NAV2: variants seen among roughly 807,000 people sequenced by gnomAD.
NAV2 encodes helicase, APC down-regulated 1.
Under a neutral mutation model 223.2 loss-of-function variants are expected in NAV2, and 54 were observed. That is an observed-to-expected ratio of 0.24 (90% CI 0.19 to 0.30). The LOEUF is 0.30. Ranked by LOEUF, NAV2 falls within the 10% of genes least tolerant of loss-of-function variation. The pLI is 1.00. For synonymous variants in NAV2, 1,279 were observed against 1,239.3 expected (o/e 1.03, Z -0.67); for missense variants, 2,806 against 3,147.5 (o/e 0.89, Z 2.60).
chr11:19,890,623 G>A (rs1328437624), intron 5 of NAV2, among the ~76,000 whole-genome samples: 1 of 152,176 alleles, frequency 6.6e-6, no homozygotes, highest in African/African-American at 2.4e-5. Flanking sequence ...ACTCTGTCTG[G>A]TTTAAAAAGT....
chr11:20,103,148 G>A (rs2061757769), intron 32 of NAV2, 107 bp from the exon 33 acceptor site: 4 of 1,057,012 alleles, frequency 3.8e-6, no homozygotes, highest in African/African-American at 1.6e-5. Flanking sequence ...AATCATGAAG[G>A]GCCTTTCTGC....
chr11:19,902,150 C>T (rs530895331), intron 6 of NAV2, among the ~76,000 whole-genome samples: 15 of 152,274 alleles, frequency 9.9e-5, no homozygotes, highest in African/African-American at 3.6e-4. Context: ...TGCCCAACTG[C>T]CCTTACTCCA....
At chr11:19,365,107 T>C (rs941934696) in intron 1 of NAV2, among the ~76,000 whole-genome samples, 3 of 152,192 alleles carry the variant, frequency 2.0e-5, no homozygotes, top group Non-Finnish European at 2.9e-5. Flanking sequence ...ATATGGATGA[T>C]AGAGTTCAGA....
intron 1 of NAV2, among the ~76,000 whole-genome samples, chr11:19,397,406 T>TGTGTGTGTGTGTGCGCGC (rs1338830148): frequency 0.01 from 1,465 of 141,976 alleles, 14 homozygotes; most frequent in Non-Finnish European, 0.013. Context: ...AGTGTGTGTG[T>TGTGTGTGTGTGTGCGCGC]GTGTGTGTGT....
chr11:19,394,809 G>A (rs1488247438), intron 1 of NAV2, among the ~76,000 whole-genome samples: 1 of 152,178 alleles, frequency 6.6e-6, no homozygotes, highest in Non-Finnish European at 1.5e-5. Context: ...AGGTTCAAAT[G>A]TGGCGGGGAT....
chr11:20,000,660 C>T (rs1321165819), intron 11 of NAV2, among the ~76,000 whole-genome samples: 1 of 152,104 alleles, frequency 6.6e-6, no homozygotes, highest in Admixed American at 6.5e-5. Flanking sequence ...GGAGCCCTGG[C>T]CTTGAATGTC....
chr11:19,818,778 A>G (rs756027636), intron 1 of NAV2, among the ~76,000 whole-genome samples: 1 of 152,222 alleles, frequency 6.6e-6, no homozygotes, highest in Non-Finnish European at 1.5e-5. Flanking sequence ...AGTGTTACTT[A>G]CCAGTGCCTG....
chr11:19,508,511 C>G (rs997061195), intron 1 of NAV2, among the ~76,000 whole-genome samples: 7 of 152,136 alleles, frequency 4.6e-5, no homozygotes, highest in Non-Finnish European at 8.8e-5. Context: ...GGCTTCTCTT[C>G]GCAGTTCTCA....
chr11:19,483,079 T>A (rs1441112808), intron 1 of NAV2, among the ~76,000 whole-genome samples: 1 of 152,216 alleles, frequency 6.6e-6, no homozygotes, highest in Non-Finnish European at 1.5e-5. Context: ...GACACAGTGT[T>A]AAGTCCTTTA....
chr11:19,984,961 T>C (rs1354797589), intron 11 of NAV2, among the ~76,000 whole-genome samples: 2 of 152,232 alleles, frequency 1.3e-5, no homozygotes, highest in African/African-American at 4.8e-5. Flanking sequence ...TCTATAATTC[T>C]GGATTTCAGT....
At chr11:19,834,479 A>G (rs11025282) in intron 2 of NAV2, among the ~76,000 whole-genome samples, 59,245 of 151,926 alleles carry the variant, frequency 0.39, 11,954 homozygotes, top group Middle Eastern at 0.54. Flanking sequence ...TTGAGCACCA[A>G]TGTGTTCCAG....
chr11:19,946,016 T>C lies in NAV2; in HGVS notation c.2147-385T>C, dbSNP rs113591881. 6.6e-3 allele frequency among the ~76,000 whole-genome samples: 1,002 copies of C among 152,366 alleles called. 7 individuals carry two copies. Among genetic ancestry groups the C allele is most frequent in the African/African-American group, 0.023 (958 of 41,588 alleles). On this transcript the variant is annotated intron_variant, in intron 8 of 37. Coordinates refer to ENST00000349880, the MANE Select transcript of NAV2 (RefSeq NM_145117.5). ...CTAAGATAGCTGCATATATCACCAA[T>C]AGGTGAGAAAACAAAATGCTTCACT... is the stretch of plus-strand genomic sequence containing the variant.
At chr11:19,426,318 C>T (rs1357382232) in intron 1 of NAV2, among the ~76,000 whole-genome samples, 2 of 152,146 alleles carry the variant, frequency 1.3e-5, no homozygotes, top group African/African-American at 4.8e-5. Flanking sequence ...TGGCAGTCTC[C>T]AGAGGAATCC....
chr11:20,044,890 G>C, intron 13 of NAV2, 78 bp from the exon 14 acceptor site: 1 of 1,204,948 alleles, frequency 8.3e-7, no homozygotes, highest in South Asian at 1.5e-5. Context: ...CTCTTCAGAG[G>C]AGGAGAGCAT....
intron 5 of NAV2, among the ~76,000 whole-genome samples, chr11:19,882,398 T>A (rs996284419): frequency 6.6e-6 from 1 of 152,144 alleles, no homozygotes; most frequent in Non-Finnish European, 1.5e-5. Flanking sequence ...TAAGTGGTGG[T>A]ATTATTCTTT....
intron 1 of NAV2, among the ~76,000 whole-genome samples, chr11:19,716,404 C>T (rs1349785579): frequency 6.6e-6 from 1 of 152,074 alleles, no homozygotes; most frequent in East Asian, 1.9e-4. Flanking sequence ...GAGTTGTGAG[C>T]ATTAAGAAAA....
intron 1 of NAV2, among the ~76,000 whole-genome samples, chr11:19,576,188 C>A (rs2045565738): frequency 6.6e-6 from 1 of 152,200 alleles, no homozygotes; most frequent in Admixed American, 6.5e-5. Flanking sequence ...TTCTGATCCT[C>A]AGCCACAAAA....
At chr11:20,093,985 T>C (rs1420444980) in intron 29 of NAV2, among the ~76,000 whole-genome samples, 1 of 152,188 alleles carries the variant, frequency 6.6e-6, no homozygotes, top group Non-Finnish European at 1.5e-5. Flanking sequence ...AACATGCTAT[T>C]GTAGTTTCAG....
chr11:19,548,284 C>G (rs1305634274), intron 1 of NAV2, among the ~76,000 whole-genome samples: 1 of 152,186 alleles, frequency 6.6e-6, no homozygotes, highest in Non-Finnish European at 1.5e-5. Context: ...GAAAATCAGA[C>G]GAAGAGAGAA....
Sources: gnomAD v4.1 joint callset for allele counts (sites outside exome capture counted in the v4.1 genomes callset) on GRCh38, gnomAD v4.1.1 for gene constraint, MANE v1.5 for transcripts, NCBI Gene and HGNC (gene_info 2026-07-23, HGNC 2026-07-21) for gene names.